LCP1: variants seen among roughly 807,000 people sequenced by gnomAD.
LCP1 encodes lymphocyte cytosolic protein 1.
A neutral mutation model predicts 72.0 loss-of-function variants in LCP1; 23 were observed. That is an observed-to-expected ratio of 0.32 (90% CI 0.23 to 0.45). The LOEUF is 0.45. Among genes scored for constraint, LCP1 ranks in the 20% least tolerant of loss-of-function variants. LCP1 has a pLI of 1.00. For missense variants in LCP1, 571 were observed against 748.3 expected (o/e 0.76, Z 2.76); for synonymous variants, 245 against 275.4 (o/e 0.89, Z 1.09).
rs1242390973 is a variant in LCP1 at position 46,176,897 on chromosome 13, G to C, written c.-25+5214C>G. 3.2e-3 allele frequency among the ~76,000 whole-genome samples: 473 copies of C among 147,880 alleles called. 3 individuals are homozygous for C. The highest frequency in any genetic ancestry group is 0.011 in the African/African-American group (453 of 41,324). ...TATTTGTGTGTGTGTGTGTGTGTGTGTGTGTGAGAGAGCGAGAGAGAGAGA... is the reference window on the plus strand; with the variant it reads ...TATTTGTGTGTGTGTGTGTGTGTGTCTGTGTGAGAGAGCGAGAGAGAGAGA... On this transcript the variant is annotated intron_variant, in intron 1 of 15. Transcript: ENST00000323076.
chr13:46,170,737 T>C (rs921727979), intron 1 of LCP1, among the ~76,000 whole-genome samples: 1 of 152,234 alleles, frequency 6.6e-6, no homozygotes, highest in African/African-American at 2.4e-5. Flanking sequence ...CTTCCTTCAA[T>C]AGACATCTGC....
chr13:46,127,545 G>A lies in LCP1; in HGVS notation c.*46C>T. 1 of 1,609,872 alleles carries A rather than the reference G, an allele frequency of 6.2e-7. No individual in the cohort carries two copies. Among genetic ancestry groups the A allele is most frequent in the South Asian group, 1.1e-5 (1 of 90,738 alleles). Reference sequence around the variant, plus strand: ...ATCATCCCTGGAGCATCTGTGCCGGGCAGTCAGGAGTGAGTGCACCGCCTC... The same window carrying A: ...ATCATCCCTGGAGCATCTGTGCCGGACAGTCAGGAGTGAGTGCACCGCCTC... On this transcript the variant is annotated 3_prime_UTR_variant, in exon 16 of 16. Transcript: ENST00000323076.
chr13:46,173,615 G>A (rs182375607), intron 1 of LCP1, among the ~76,000 whole-genome samples: 2 of 152,308 alleles, frequency 1.3e-5, no homozygotes, highest in Admixed American at 6.5e-5. Context: ...TGTTTTGTGT[G>A]GGTGTAAATC....
chr13:46,142,852 C>G (rs1195891644), intron 12 of LCP1: 1 of 430,150 alleles, frequency 2.3e-6, no homozygotes, highest in Non-Finnish European at 4.6e-6. Flanking sequence ...GGATCATTAA[C>G]AGTCACGGCA....
chr13:46,156,830 T>C (rs976584992), intron 4 of LCP1, among the ~76,000 whole-genome samples: 2 of 151,558 alleles, frequency 1.3e-5, no homozygotes, highest in South Asian at 2.1e-4. Flanking sequence ...CTTTTCTTTT[T>C]TTTTTTTTTG....
chr13:46,159,192 G>GTAAAAGAGTCATAA (rs1218037289), intron 2 of LCP1: 1 of 570,526 alleles, frequency 1.8e-6, no homozygotes, highest in African/African-American at 1.9e-5. Context: ...AACATCCACA[G>GTAAAAGAGTCATAA]TAAAAGAGTC....
At chr13:46,170,879 G>A (rs1190543015) in intron 1 of LCP1, among the ~76,000 whole-genome samples, 2 of 152,058 alleles carry the variant, frequency 1.3e-5, no homozygotes, top group African/African-American at 4.8e-5. Flanking sequence ...CAGGAAGAGG[G>A]AAAAAATAGC....
rs1593938498 is a variant in LCP1 at position 46,127,515 on chromosome 13, C to CT, written c.*75dup. On this transcript the variant is annotated 3_prime_UTR_variant, in exon 16 of 16. Transcript: ENST00000323076. ...GTCACCAAGTTGAACTTTGGAATGG[C>CT]TTGAATCATCCCTGGAGCATCTGTG... 1.9e-6 allele frequency: 3 copies of CT among 1,573,622 alleles called. No individual in the cohort carries two copies. In the East Asian group the frequency reaches 6.7e-5, roughly 35 times the overall value.
intron 1 of LCP1, among the ~76,000 whole-genome samples, chr13:46,177,800 C>G (rs1445418099): frequency 1.3e-5 from 2 of 152,156 alleles, no homozygotes; most frequent in Non-Finnish European, 2.9e-5. Context: ...TAATTGTTAA[C>G]AACCAACTTC....
chr13:46,138,024 T>C (rs1024998494), intron 13 of LCP1, among the ~76,000 whole-genome samples: 1 of 152,240 alleles, frequency 6.6e-6, no homozygotes, highest in South Asian at 2.1e-4. Flanking sequence ...GGGGAGAGTT[T>C]CCTAATTGTC....
chr13:46,169,497 T>A (rs2045894167), intron 1 of LCP1: 1 of 152,298 alleles, frequency 6.6e-6, no homozygotes, highest in African/African-American at 2.4e-5. Flanking sequence ...AGGAGTGCAG[T>A]GGCTCTTCAC....
chr13:46,144,182 G>T (rs76110799), intron 11 of LCP1, among the ~76,000 whole-genome samples: 276 of 152,308 alleles, frequency 1.8e-3, no homozygotes, highest in African/African-American at 6.3e-3. Context: ...CGGGTTATAT[G>T]TAAGATCACT....
chr13:46,130,162 T>C (rs1028505596), intron 15 of LCP1, among the ~76,000 whole-genome samples: 3 of 152,230 alleles, frequency 2.0e-5, no homozygotes, highest in African/African-American at 7.2e-5. Context: ...GAATCTGATC[T>C]GAGAAAAGCA....
intron 1 of LCP1, among the ~76,000 whole-genome samples, chr13:46,179,811 G>A (rs1258560711): frequency 6.6e-6 from 1 of 151,942 alleles, no homozygotes; most frequent in Non-Finnish European, 1.5e-5. Context: ...ATAAGATTGG[G>A]GAAGTGGGTC....
intron 1 of LCP1, among the ~76,000 whole-genome samples, chr13:46,160,463 A>C (rs1185726364): frequency 2.0e-5 from 3 of 152,204 alleles, no homozygotes; most frequent in Non-Finnish European, 4.4e-5. Flanking sequence ...TATTTGACCA[A>C]GCCAACAGAT....
In LCP1 at chr13:46,143,181, T is replaced by G. The variant is rs570100534; in HGVS notation, c.1368+109A>C. The G allele has an allele frequency of 1.5e-5, 10 of 674,200 alleles. 1 individual carries two copies. The Middle Eastern group carries it at 1.5e-3, about 102-fold the overall frequency. The allele number at this position is 674,200 out of a possible 1,614,324, so 41.8% of individuals were successfully genotyped here. ...GATTGCTGTACTAGAATTTAATTTC[T>G]GGAAAAACATTACTTGTCTACGTTT... On this transcript the variant is annotated intron_variant, in intron 12 of 15. Transcript: ENST00000323076.
intron 13 of LCP1, among the ~76,000 whole-genome samples, 187 bp from the exon 14 acceptor site, chr13:46,134,437 T>A (rs774662944): frequency 6.6e-6 from 1 of 152,202 alleles, no homozygotes; most frequent in Non-Finnish European, 1.5e-5. Flanking sequence ...AAGACGTGAC[T>A]TTATGGCTAG....
At chr13:46,163,322 A>G (rs2045856413) in intron 1 of LCP1, among the ~76,000 whole-genome samples, 1 of 152,212 alleles carries the variant, frequency 6.6e-6, no homozygotes, top group African/African-American at 2.4e-5. Flanking sequence ...GATGCTGTTA[A>G]TCTATAACCT....
chr13:46,131,354 AC>A (rs1173230214), intron 14 of LCP1, among the ~76,000 whole-genome samples: 2 of 152,206 alleles, frequency 1.3e-5, no homozygotes, highest in African/African-American at 4.8e-5. Flanking sequence ...TCAAAAAATA[AC>A]AGATGCCAGT....
Sources: gnomAD v4.1 joint callset for allele counts (sites outside exome capture counted in the v4.1 genomes callset) on GRCh38, gnomAD v4.1.1 for gene constraint, MANE v1.5 for transcripts, NCBI Gene and HGNC (gene_info 2026-07-23, HGNC 2026-07-21) for gene names.